PKD2L1: variants seen among roughly 807,000 people sequenced by gnomAD.
The protein encoded by PKD2L1 is polycystin-2-like protein 1.
A neutral mutation model predicts 93.0 loss-of-function variants in PKD2L1; 77 were observed. The ratio of observed to expected loss-of-function variants is 0.83; its 90% CI spans 0.69 to 1.00. PKD2L1 has a LOEUF of 1.00. Among genes scored for constraint, PKD2L1 ranks in the 50% least tolerant of loss-of-function variants. PKD2L1 has a pLI of 0.00. For missense variants in PKD2L1, 977 were observed against 990.9 expected, an observed-to-expected ratio of 0.99 and a Z score of 0.19; for synonymous variants, 390 against 388.0, an observed-to-expected ratio of 1.01 and a Z score of -0.06.
chr10:100,298,978 C>G (rs118186049), intron 3 of PKD2L1, among the ~76,000 whole-genome samples, 163 bp from the exon 4 acceptor site: 2 of 151,914 alleles, frequency 1.3e-5, no homozygotes, highest in Non-Finnish European at 2.9e-5. Context: ...GACAGAGTCT[C>G]GCTTTGTCAC....
intron 6 of PKD2L1, among the ~76,000 whole-genome samples, chr10:100,296,628 G>A (rs2134381863): frequency 6.6e-6 from 1 of 152,214 alleles, no homozygotes; most frequent in Admixed American, 6.5e-5. Context: ...TTAATAGGAG[G>A]GAGATGAAGA....
In PKD2L1 at chr10:100,288,482, T is replaced by G. The variant is rs530564184; in HGVS notation, c.2336-4A>C. On this transcript the variant is annotated splice_polypyrimidine_tract_variant and splice_region_variant and intron_variant, in intron 15 of 15. Coordinates refer to ENST00000318222, the MANE Select transcript of PKD2L1 (RefSeq NM_016112.3). ...TCTTCTCTTTTATAGGGAACCTCTGTGGGGGAAAACGAGAAACCCATGGGT... is the reference window on the plus strand; with the variant it reads ...TCTTCTCTTTTATAGGGAACCTCTGGGGGGGAAAACGAGAAACCCATGGGT... 31 of 1,594,668 alleles carry G rather than the reference T, an allele frequency of 1.9e-5. No homozygotes were observed. Among genetic ancestry groups the G allele is most frequent in the South Asian group, 8.8e-5 (8 of 90,694 alleles).
chr10:100,302,855 A>G (rs1365318986), intron 2 of PKD2L1, among the ~76,000 whole-genome samples: 1 of 152,238 alleles, frequency 6.6e-6, no homozygotes, highest in East Asian at 1.9e-4. Flanking sequence ...TGAAATTGTA[A>G]TATGGTCTGT....
chr10:100,328,591 C>CCT (rs1554832536), intron 2 of PKD2L1, among the ~76,000 whole-genome samples: 4 of 147,166 alleles, frequency 2.7e-5, no homozygotes, highest in Non-Finnish European at 4.5e-5. Context: ...GTTTTCCACT[C>CCT]TTTTTTTTTT....
At chr10:100,296,086 C>A (rs1848529555) in intron 7 of PKD2L1, 36 bp downstream of exon 7, 1 of 1,551,878 alleles carries the variant, frequency 6.4e-7, no homozygotes, top group Admixed American at 1.9e-5. Context: ...AATGAGTGCG[C>A]CTTGAAGCAA....
Position 100,292,987 on chromosome 10 carries a change from T to C in PKD2L1, c.1841A>G (p.Gln614Arg). 6.2e-7 allele frequency: 1 copy of C among 1,614,198 alleles called. No homozygotes were observed. Among genetic ancestry groups the C allele is most frequent in the South Asian group, 1.1e-5 (1 of 91,084 alleles). The change falls in exon 11 of 16, where the codon CAG (glutamine) becomes CGG (arginine). Residue 614 changes from glutamine to arginine, a missense_variant. By Grantham distance (43) the Gln-to-Arg change is conservative. Transcript: ENST00000318222. ...DVQKVLQGGE[Q>R]EIQFEDFTNT... Reference sequence around the variant, plus strand: ...GGTGAAATCCTCAAACTGGATCTCCTGCTCCCCACCCTGCAGGACCTTCTG... The same window carrying C: ...GGTGAAATCCTCAAACTGGATCTCCCGCTCCCCACCCTGCAGGACCTTCTG...
intron 2 of PKD2L1, among the ~76,000 whole-genome samples, chr10:100,305,114 C>CT (rs11329633): frequency 2.0e-3 from 281 of 139,094 alleles, no homozygotes; most frequent in African/African-American, 4.0e-3. Context: ...CTCTTCTTGT[C>CT]TTTTTTTTTT....
chr10:100,297,186 T>C lies in PKD2L1; in HGVS notation c.979A>G (p.Thr327Ala), dbSNP rs1365481026. 6.2e-7 allele frequency: 1 copy of C among 1,613,724 alleles called. No individual in the cohort carries two copies. Among genetic ancestry groups the C allele is most frequent in the African/African-American group, 1.3e-5 (1 of 74,888 alleles). The change falls in exon 6 of 16, where the codon ACA becomes GCA. Residue 327 changes from threonine (T) to alanine (A), a missense_variant. Coordinates refer to ENST00000318222, the MANE Select transcript of PKD2L1 (RefSeq NM_016112.3). Reference sequence around the variant, plus strand: ...TGCCAGGATGGGATGGCACCTCCTGTAGCTGGAAACTCCACCACCAGCCTA... The same window carrying C: ...TGCCAGGATGGGATGGCACCTCCTGCAGCTGGAAACTCCACCACCAGCCTA... ...VLRLVVEFPATGGAIPSWQIR... is the reference protein window; with the variant it reads ...VLRLVVEFPAAGGAIPSWQIR...
chr10:100,320,854 A>G (rs1057258042), intron 2 of PKD2L1, among the ~76,000 whole-genome samples: 1 of 152,218 alleles, frequency 6.6e-6, no homozygotes, highest in Non-Finnish European at 1.5e-5. Flanking sequence ...CAAAATGACA[A>G]CACATAGCAA....
chr10:100,318,878 A>C (rs1589680290), intron 2 of PKD2L1, among the ~76,000 whole-genome samples: 3 of 118,494 alleles, frequency 2.5e-5, no homozygotes, highest in Non-Finnish European at 5.2e-5. Context: ...ATGGAATCTC[A>C]CTCTGTCGCC....
intron 2 of PKD2L1, among the ~76,000 whole-genome samples, chr10:100,316,200 C>G: frequency 6.6e-6 from 1 of 152,176 alleles, no homozygotes; most frequent in Non-Finnish European, 1.5e-5. Flanking sequence ...GAGACGGAGT[C>G]TTGCTTTTGT....
At chr10:100,329,480 C>T (rs1250858322) in intron 1 of PKD2L1, 156 bp from the exon 2 acceptor site, 1 of 992,274 alleles carries the variant, frequency 1.0e-6, no homozygotes, top group East Asian at 2.6e-5. Context: ...GTACCCACAC[C>T]CATGCTTGCT....
intron 10 of PKD2L1, 59 bp downstream of exon 10, chr10:100,293,222 C>G (rs1398250860): frequency 1.3e-6 from 2 of 1,524,254 alleles, no homozygotes; most frequent in Non-Finnish European, 1.8e-6. Flanking sequence ...GACCAGGACA[C>G]AGAGCCTTAG....
At chr10:100,301,223 G>A (rs940689120) in intron 2 of PKD2L1, among the ~76,000 whole-genome samples, 4 of 152,184 alleles carry the variant, frequency 2.6e-5, no homozygotes, top group Non-Finnish European at 4.4e-5. Context: ...AGATCACAAG[G>A]TCAGGGCGAA....
At chr10:100,290,659 T>C in intron 12 of PKD2L1, 140 bp from the exon 13 acceptor site, 1 of 617,724 alleles carries the variant, frequency 1.6e-6, no homozygotes, top group South Asian at 2.0e-5. Flanking sequence ...TCCCAGACTC[T>C]GGAGACAATA....
At chr10:100,314,257 G>A (rs1849007586) in intron 2 of PKD2L1, among the ~76,000 whole-genome samples, 3 of 152,066 alleles carry the variant, frequency 2.0e-5, no homozygotes, top group Admixed American at 2.0e-4. Context: ...TCCCAGCAGG[G>A]AGAGCCCTTT....
chr10:100,321,726 A>G (rs1475701435), intron 2 of PKD2L1, among the ~76,000 whole-genome samples: 3 of 9,682 alleles, frequency 3.1e-4, no homozygotes, highest in Admixed American at 1.8e-3. Context: ...AAAGAAAGAA[A>G]GAAAGAAAGA....
chr10:100,293,494 C>A (rs964090950), intron 9 of PKD2L1, 115 bp from the exon 10 acceptor site: 11 of 688,962 alleles, frequency 1.6e-5, no homozygotes, highest in Non-Finnish European at 2.9e-5. Flanking sequence ...TGCTCTCAAC[C>A]CCAGTTCGGC....
At chr10:100,320,068 C>T (rs970229503) in intron 2 of PKD2L1, among the ~76,000 whole-genome samples, 3 of 152,214 alleles carry the variant, frequency 2.0e-5, no homozygotes, top group East Asian at 1.9e-4. Flanking sequence ...ATAGCTGGGA[C>T]AGGACTGACT....
Sources: allele counts gnomAD v4.1 joint callset (sites outside exome capture counted in the v4.1 genomes callset), GRCh38; gene constraint gnomAD v4.1.1; transcripts MANE v1.5; gene names NCBI Gene and HGNC (gene_info 2026-07-23, HGNC 2026-07-21).